SLC25A36: variants seen among roughly 807,000 people sequenced by gnomAD.
SLC25A36 encodes epididymis secretory sperm binding protein.
SLC25A36 carries 24 observed loss-of-function variants against 35.3 expected under a neutral mutation model. The ratio of observed to expected loss-of-function variants is 0.68; its 90% CI spans 0.49 to 0.96. The LOEUF (loss-of-function observed/expected upper bound fraction) is 0.96. Among genes scored for constraint, SLC25A36 ranks in the 40% least tolerant of loss-of-function variants. The pLI is 0.00. For missense variants in SLC25A36, 294 were observed against 381.1 expected (o/e 0.77, Z 1.90); for synonymous variants, 141 against 132.2 (o/e 1.07, Z -0.46).
At chr3:140,952,917 T>C (rs1934367270) in intron 1 of SLC25A36, among the ~76,000 whole-genome samples, 2 of 152,202 alleles carry the variant, frequency 1.3e-5, no homozygotes, top group Admixed American at 6.5e-5. Flanking sequence ...AATCAAAACA[T>C]GTACATGTTT....
At chr3:140,944,026 A>G (rs1239071110) in intron 1 of SLC25A36, among the ~76,000 whole-genome samples, 1 of 152,166 alleles carries the variant, frequency 6.6e-6, no homozygotes, top group African/African-American at 2.4e-5. Flanking sequence ...GATACAAGAT[A>G]GGTGCTCAGC....
At chr3:140,974,076 T>C in intron 6 of SLC25A36, 71 bp downstream of exon 6, 1 of 1,090,116 alleles carries the variant, frequency 9.2e-7, no homozygotes, top group Non-Finnish European at 1.3e-6. Flanking sequence ...TTAAAGCATT[T>C]ATAATTTTAC....
In SLC25A36 at chr3:140,952,314, G is replaced by A. The variant is rs116203252; in HGVS notation, c.42-4213G>A. Among the ~76,000 whole-genome samples, 1,029 of 152,146 alleles carry A rather than the reference G, an allele frequency of 6.8e-3. 9 individuals carry two copies. The highest frequency in any genetic ancestry group is 0.031 in the Middle Eastern group (9 of 294). ...ATTACAGAAGTGAGCCACAACGCCC[G>A]GCCTCTTTCTTTCTTTTTTTCAGAG... On this transcript the variant is annotated intron_variant, in intron 1 of 6. Coordinates refer to ENST00000324194, the MANE Select transcript of SLC25A36 (RefSeq NM_001104647.3).
intron 4 of SLC25A36, chr3:140,968,220 G>T: frequency 3.1e-6 from 3 of 953,484 alleles, no homozygotes; most frequent in Non-Finnish European, 3.7e-6. Flanking sequence ...AGTGTCTTTG[G>T]TTAGGAGAAA....
intron 1 of SLC25A36, among the ~76,000 whole-genome samples, chr3:140,948,100 C>T (rs1266241578): frequency 6.6e-6 from 1 of 152,066 alleles, no homozygotes; most frequent in African/African-American, 2.4e-5. Context: ...ATTACAGGTG[C>T]CTGCCACCAC....
chr3:140,971,059 T>C (rs1934886536), intron 5 of SLC25A36, 66 bp downstream of exon 5: 1 of 721,302 alleles, frequency 1.4e-6, no homozygotes, highest in Non-Finnish European at 2.5e-6. Flanking sequence ...CTACAAAGTT[T>C]TTCTTTCCTT....
chr3:140,959,454 C>G lies in SLC25A36; in HGVS notation c.207-9C>G, dbSNP rs1382388623. The G allele has an allele frequency of 6.8e-7, 1 of 1,471,128 alleles. No homozygotes were observed. Among genetic ancestry groups the G allele is most frequent in the Non-Finnish European group, 9.0e-7 (1 of 1,106,600 alleles). 91.1% of individuals were successfully genotyped at this position (1,471,128 alleles called of 1,614,324 possible). On this transcript the variant is annotated splice_polypyrimidine_tract_variant and intron_variant, in intron 2 of 6. Coordinates refer to ENST00000324194, the MANE Select transcript of SLC25A36 (RefSeq NM_001104647.3). ...ATATTTCTGATAGAATTTTTTTTCT[C>G]TCTTTCAGGGTGATCTTGGAAAAAG...
intron 2 of SLC25A36, among the ~76,000 whole-genome samples, chr3:140,958,156 C>G (rs1379970366): frequency 6.6e-6 from 1 of 152,124 alleles, no homozygotes; most frequent in Admixed American, 6.5e-5. Flanking sequence ...TCAGTTCAGG[C>G]CTTAAATTAA....
Position 140,973,703 on chromosome 3 carries a change from T to A in SLC25A36, c.453-13T>A. 2 of 1,440,188 alleles carry A rather than the reference T, an allele frequency of 1.4e-6. No individual in the cohort carries two copies. The highest frequency in any genetic ancestry group is 1.8e-6 in the Non-Finnish European group (2 of 1,088,418). The allele number at this position is 1,440,188 out of a possible 1,614,324, so 89.2% of individuals were successfully genotyped here. ...AAAAACCTATCAGTAAGATGTTTCT[T>A]TTTGCTTTTCAGGAACCGCGGGGAA... On this transcript the variant is annotated splice_polypyrimidine_tract_variant and intron_variant, in intron 5 of 6. Transcript: ENST00000324194.
At chr3:140,947,887 A>G (rs1371616177) in intron 1 of SLC25A36, among the ~76,000 whole-genome samples, 2 of 152,250 alleles carry the variant, frequency 1.3e-5, no homozygotes, top group African/African-American at 2.4e-5. Flanking sequence ...TACCAGAGAA[A>G]CAATTTTTGG....
intron 1 of SLC25A36, among the ~76,000 whole-genome samples, chr3:140,951,995 G>T (rs1934339203): frequency 6.6e-6 from 1 of 150,642 alleles, no homozygotes; most frequent in African/African-American, 2.4e-5. Context: ...CACTGCACCT[G>T]GCTGTTTTTT....
At position 140,978,979 on chromosome 3, in the gene SLC25A36, G is replaced by A. The variant is rs944965824; in HGVS notation, c.*2526G>A. On this transcript the variant is annotated 3_prime_UTR_variant, in exon 7 of 7. Coordinates refer to ENST00000324194, the MANE Select transcript of SLC25A36 (RefSeq NM_001104647.3). ...TTATCATGACTTTTTTATTTCTGGTGTAGAGTCCACATTATTTAGTTTGTT... is the reference window on the plus strand; with the variant it reads ...TTATCATGACTTTTTTATTTCTGGTATAGAGTCCACATTATTTAGTTTGTT... 2.0e-5 allele frequency: 3 copies of A among 152,112 alleles called. No homozygotes were observed. Among genetic ancestry groups the A allele is most frequent in the Non-Finnish European group, 2.9e-5 (2 of 68,002 alleles). 9.4% of individuals were successfully genotyped at this position (152,112 alleles called of 1,614,324 possible). A position where few individuals can be genotyped will look rare whatever the true frequency, so the allele number is the denominator to read the frequency against.
intron 1 of SLC25A36, among the ~76,000 whole-genome samples, chr3:140,952,964 C>G (rs1176138111): frequency 6.6e-6 from 1 of 151,934 alleles, no homozygotes; most frequent in African/African-American, 2.4e-5. Flanking sequence ...GTTTTATGTT[C>G]AATAAATTTA....
Position 140,975,097 on chromosome 3 carries a change from C to CTT in SLC25A36, c.742+1121_742+1122dup, listed in dbSNP as rs10662120. On this transcript the variant is annotated intron_variant, in intron 6 of 6. Transcript: ENST00000324194. Reference sequence around the variant, plus strand: ...GTACAGTTGATAAACAAGATACATTCTTTTTTTTTTTTTTTTTTTTTTTTT... The same window carrying CTT: ...GTACAGTTGATAAACAAGATACATTCTTTTTTTTTTTTTTTTTTTTTTTTTTT... 7.8e-4 allele frequency among the ~76,000 whole-genome samples: 43 copies of CTT among 55,216 alleles called. 8 individuals are homozygous for CTT. The highest frequency in any genetic ancestry group is 4.5e-3 in the South Asian group (4 of 880). The allele number at this position is 55,216 out of a possible 152,430, so 36.2% of individuals were successfully genotyped here. A position where few individuals can be genotyped will look rare whatever the true frequency, so the allele number is the denominator to read the frequency against.
intron 3 of SLC25A36, among the ~76,000 whole-genome samples, chr3:140,961,972 G>A (rs754552691): frequency 2.7e-5 from 4 of 149,250 alleles, no homozygotes; most frequent in Non-Finnish European, 5.9e-5. Flanking sequence ...AATGGACTAA[G>A]AGGGATTTTT....
rs1381983408 is a variant in SLC25A36 at position 140,963,112 on chromosome 3, A to G, written c.285-15A>G. ...TAAGAACATGCTTATTGATAAATCTAAATCTCTATTTTAGAGCAATATACT... is the reference window on the plus strand; with the variant it reads ...TAAGAACATGCTTATTGATAAATCTGAATCTCTATTTTAGAGCAATATACT... On this transcript the variant is annotated splice_polypyrimidine_tract_variant and intron_variant, in intron 3 of 6. Coordinates refer to ENST00000324194, the MANE Select transcript of SLC25A36 (RefSeq NM_001104647.3). The G allele has an allele frequency of 2.7e-6, 4 of 1,486,834 alleles. No homozygotes were observed. Among genetic ancestry groups the G allele is most frequent in the South Asian group, 2.5e-5 (2 of 78,950 alleles). The allele number at this position is 1,486,834 out of a possible 1,614,324, so 92.1% of individuals were successfully genotyped here.
chr3:140,950,918 C>CTGTGTGTGTGTGTG (rs373375551), intron 1 of SLC25A36, among the ~76,000 whole-genome samples: 1,706 of 136,448 alleles, frequency 0.013, 37 homozygotes, highest in African/African-American at 0.043. Context: ...GTCTGTGTGT[C>CTGTGTGTGTGTGTG]TGTGTGTGTG....
intron 1 of SLC25A36, among the ~76,000 whole-genome samples, chr3:140,955,062 GTTC>G (rs1250480556): frequency 6.6e-6 from 1 of 151,840 alleles, no homozygotes; most frequent in Non-Finnish European, 1.5e-5. Flanking sequence ...TACATATAAT[GTTC>G]TTTATTTTTT....
At chr3:140,958,115 G>A (rs7643434) in intron 2 of SLC25A36, among the ~76,000 whole-genome samples, 44,113 of 152,030 alleles carry the variant, frequency 0.29, 11,274 homozygotes, top group African/African-American at 0.69. Context: ...CATTACCAAC[G>A]TTGGGCTTCA....
Sources: gnomAD v4.1 joint callset for allele counts (sites outside exome capture counted in the v4.1 genomes callset) on GRCh38, gnomAD v4.1.1 for gene constraint, MANE v1.5 for transcripts, NCBI Gene and HGNC (gene_info 2026-07-23, HGNC 2026-07-21) for gene names.